The following CNMD variants were observed in gnomAD, a reference collection of about 807,000 sequenced individuals.
CNMD encodes the protein chondromodulin, also known as leukocyte cell-derived chemotaxin 1.
A neutral mutation model predicts 37.5 loss-of-function variants in CNMD; 30 were observed. That is an observed-to-expected ratio of 0.80 (90% CI 0.60 to 1.09). The LOEUF (loss-of-function observed/expected upper bound fraction) is 1.09. CNMD is among the 50% of genes least tolerant of loss of function. The pLI is 0.00. For synonymous variants in CNMD, 167 were observed against 148.2 expected (o/e 1.13, Z -0.92); for missense variants, 398 against 423.9 (o/e 0.94, Z 0.54).
intron 3 of CNMD, among the ~76,000 whole-genome samples, chr13:52,732,263 C>T (rs1362069779): frequency 1.3e-5 from 2 of 152,150 alleles, no homozygotes; most frequent in Non-Finnish European, 2.9e-5. Flanking sequence ...TGAAGTTTCA[C>T]CTACTCCATC....
chr13:52,726,900 A>T (rs972827681), intron 3 of CNMD, among the ~76,000 whole-genome samples: 7 of 152,192 alleles, frequency 4.6e-5, no homozygotes, highest in African/African-American at 1.7e-4. Flanking sequence ...GATGTATATT[A>T]TGAAAAAGAA....
intron 4 of CNMD, among the ~76,000 whole-genome samples, chr13:52,719,813 C>T (rs1053642364): frequency 1.3e-5 from 2 of 152,260 alleles, no homozygotes; most frequent in East Asian, 3.9e-4. Context: ...CTTGGGGTTG[C>T]TCTTCTTGAG....
chr13:52,724,544 T>C (rs1454372666), intron 3 of CNMD, among the ~76,000 whole-genome samples: 1 of 150,406 alleles, frequency 6.6e-6, no homozygotes, highest in African/African-American at 2.5e-5. Context: ...TGAGCCAAGA[T>C]TGCGCCACTG....
chr13:52,729,356 CA>C (rs1477684201), intron 3 of CNMD, among the ~76,000 whole-genome samples: 3 of 152,320 alleles, frequency 2.0e-5, no homozygotes, highest in Admixed American at 2.0e-4. Flanking sequence ...TTGTAAATAT[CA>C]GTGTCTAGAA....
At chr13:52,708,359 C>G (rs1594275720) in intron 6 of CNMD, among the ~76,000 whole-genome samples, 177 bp downstream of exon 6, 1 of 151,732 alleles carries the variant, frequency 6.6e-6, no homozygotes, top group East Asian at 2.0e-4. Context: ...TTTTTTGTAT[C>G]TTTAGTAGAG....
chr13:52,723,147 A>C (rs1196804278), intron 4 of CNMD, among the ~76,000 whole-genome samples: 1 of 152,018 alleles, frequency 6.6e-6, no homozygotes, highest in Non-Finnish European at 1.5e-5. Flanking sequence ...CCTGGAGTGC[A>C]CTGGTGCAAT....
intron 4 of CNMD, among the ~76,000 whole-genome samples, chr13:52,721,832 A>C (rs913652227): frequency 6.6e-6 from 1 of 152,252 alleles, no homozygotes; most frequent in African/African-American, 2.4e-5. Context: ...TTAAAAACTC[A>C]GAAAATATAC....
At chr13:52,725,487 A>C (rs9526991) in intron 3 of CNMD, among the ~76,000 whole-genome samples, 6,146 of 151,768 alleles carry the variant, frequency 0.04, 144 homozygotes, top group South Asian at 0.064. Flanking sequence ...CTGCCTAGGG[A>C]CTGCCTCAAG....
intron 2 of CNMD, among the ~76,000 whole-genome samples, chr13:52,735,827 CTTTTTTT>C (rs34873599): frequency 8.3e-6 from 1 of 120,638 alleles, no homozygotes; most frequent in Admixed American, 8.8e-5. Context: ...TGCGGCCCAC[CTTTTTTT>C]TTTTTTTTTT....
intron 3 of CNMD, among the ~76,000 whole-genome samples, chr13:52,729,464 A>G (rs1440480453): frequency 1.3e-5 from 2 of 152,228 alleles, no homozygotes; most frequent in Non-Finnish European, 2.9e-5. Context: ...AAATGGAGAG[A>G]AAACAGTACT....
chr13:52,710,551 G>A (rs1964275108), intron 5 of CNMD, among the ~76,000 whole-genome samples: 1 of 152,238 alleles, frequency 6.6e-6, no homozygotes, highest in East Asian at 1.9e-4. Flanking sequence ...AGATCCAAGG[G>A]CATGGGCCGC....
intron 4 of CNMD, among the ~76,000 whole-genome samples, chr13:52,722,687 T>C (rs1257547883): frequency 6.6e-6 from 1 of 152,188 alleles, no homozygotes. Flanking sequence ...TAAACTACCA[T>C]TAAAAGTAAG....
Position 52,739,577 on chromosome 13 carries a change from C to G in CNMD, c.72+53G>C. 1 of 1,511,890 alleles carries G rather than the reference C, an allele frequency of 6.6e-7. No individual in the cohort carries two copies. 93.7% of individuals were successfully genotyped at this position (1,511,890 alleles called of 1,614,324 possible). ...GCACCCCTGAGTCCGAACTGTGGAA[C>G]CTGATACTCACACAACCCAGGCCCT... is the stretch of plus-strand genomic sequence containing the variant. On this transcript the variant is annotated intron_variant, in intron 1 of 6. Coordinates refer to ENST00000377962, the MANE Select transcript of CNMD (RefSeq NM_007015.3). This position sits in a 1 kb window ranked among gnomAD's most constrained non-coding sequence, Gnocchi z 5.4.
chr13:52,709,305 G>T (rs1964252520), intron 5 of CNMD, among the ~76,000 whole-genome samples: 1 of 152,122 alleles, frequency 6.6e-6, no homozygotes, highest in Admixed American at 6.5e-5. Context: ...GTATCATTGA[G>T]TAGCTGATAG....
rs548896082 is a variant in CNMD at position 52,722,127 on chromosome 13, A to G, written c.468+1870T>C. 2.0e-5 allele frequency among the ~76,000 whole-genome samples: 3 copies of G among 152,190 alleles called. No homozygotes were observed. The South Asian group carries it at 6.2e-4, about 32-fold the overall frequency. ...TTTGATTCTGAACAGCACAGCTCAT[A>G]AGGAACCAGCTGGAACACCATCAGG... On this transcript the variant is annotated intron_variant, in intron 4 of 6. Coordinates refer to ENST00000377962, the MANE Select transcript of CNMD (RefSeq NM_007015.3).
intron 5 of CNMD, among the ~76,000 whole-genome samples, chr13:52,709,503 A>G (rs1472958899): frequency 6.6e-6 from 1 of 152,218 alleles, no homozygotes; most frequent in Non-Finnish European, 1.5e-5. Flanking sequence ...TAAAAATCCT[A>G]TGGGATAGAA....
At chr13:52,715,813 C>T (rs1319635152) in intron 4 of CNMD, among the ~76,000 whole-genome samples, 1 of 152,166 alleles carries the variant, frequency 6.6e-6, no homozygotes, top group African/African-American at 2.4e-5. Context: ...AATAAGCATA[C>T]ATATGCATGT....
chr13:52,703,435 G>A lies in CNMD; in HGVS notation c.*160C>T, dbSNP rs1566214444. 8 of 569,932 alleles carry A rather than the reference G, an allele frequency of 1.4e-5. No individual in the cohort carries two copies. The East Asian group carries it at 2.2e-4, about 16-fold the overall frequency. The allele number at this position is 569,932 out of a possible 1,614,324, so 35.3% of individuals were successfully genotyped here. A position where few individuals can be genotyped will look rare whatever the true frequency, so the allele number is the denominator to read the frequency against. On this transcript the variant is annotated 3_prime_UTR_variant, in exon 7 of 7. Transcript: ENST00000377962. ...TACATTTGCATATACTAAAGTTCTG[G>A]AAAACAATTGAAAAAATTCTGTTAA...
At chr13:52,713,905 T>C (rs1490170340) in intron 4 of CNMD, among the ~76,000 whole-genome samples, 1 of 152,168 alleles carries the variant, frequency 6.6e-6, no homozygotes, top group African/African-American at 2.4e-5. Context: ...GCATGTACTT[T>C]TGGTTGCCTA....
Sources: gnomAD v4.1 joint callset for allele counts (sites outside exome capture counted in the v4.1 genomes callset) on GRCh38, gnomAD v4.1.1 for gene constraint, Gnocchi (gnomAD v3.1) non-coding constraint, MANE v1.5 for transcripts, NCBI Gene and HGNC (gene_info 2026-07-23, HGNC 2026-07-21) for gene names.